Variants in CSMD1 observed in about 807,000 individuals in gnomAD.
The protein encoded by CSMD1 is CUB and Sushi multiple domains 1.
CSMD1 carries 213 observed loss-of-function variants against 417.5 expected under a neutral mutation model. The ratio of observed to expected loss-of-function variants is 0.51; its 90% CI spans 0.46 to 0.57. The LOEUF is 0.57. CSMD1 is among the 20% of genes least tolerant of loss of function. The pLI is 0.00. For synonymous variants in CSMD1, 2,862 were observed against 1,736.8 expected, an observed-to-expected ratio of 1.65 and a Z score of -16.11; for missense variants, 6,923 against 4,529.7, an observed-to-expected ratio of 1.53 and a Z score of -15.17.
At chr8:4,362,696 T>A (rs1159715699) in intron 3 of CSMD1, among the ~76,000 whole-genome samples, 2 of 152,222 alleles carry the variant, frequency 1.3e-5, no homozygotes, top group Admixed American at 6.5e-5. Context: ...GGATGACTGA[T>A]AAGATTTGTA....
At chr8:4,280,088 ACT>A (rs1796697631) in intron 3 of CSMD1, among the ~76,000 whole-genome samples, 1 of 152,250 alleles carries the variant, frequency 6.6e-6, no homozygotes, top group Admixed American at 6.5e-5. Flanking sequence ...AAAATAAATA[ACT>A]CTGTTTTGTA....
At chr8:3,360,104 C>G (rs1246475007) in intron 20 of CSMD1, among the ~76,000 whole-genome samples, 1 of 152,122 alleles carries the variant, frequency 6.6e-6, no homozygotes, top group African/African-American at 2.4e-5. Flanking sequence ...CCAATTTTGC[C>G]TCTAGAATAT....
chr8:3,970,188 A>G (rs954099284), intron 5 of CSMD1, among the ~76,000 whole-genome samples: 1 of 142,286 alleles, frequency 7.0e-6, no homozygotes, highest in Non-Finnish European at 1.6e-5. Flanking sequence ...CCTCTTGAAC[A>G]AGGGACTTTC....
At chr8:4,485,920 T>G (rs965180329) in intron 2 of CSMD1, among the ~76,000 whole-genome samples, 1 of 151,958 alleles carries the variant, frequency 6.6e-6, no homozygotes, top group African/African-American at 2.4e-5. Flanking sequence ...GCCAGGAAGT[T>G]CATTTCAATT....
chr8:3,497,756 G>A (rs1319095203), intron 10 of CSMD1, among the ~76,000 whole-genome samples: 1 of 152,122 alleles, frequency 6.6e-6, no homozygotes, highest in Admixed American at 6.5e-5. Flanking sequence ...TTGTCACTTG[G>A]TTATTTCTGT....
intron 3 of CSMD1, among the ~76,000 whole-genome samples, chr8:4,110,321 T>C (rs1041694479): frequency 1.3e-5 from 2 of 152,166 alleles, no homozygotes; most frequent in Admixed American, 1.3e-4. Context: ...CCCAGGAACT[T>C]GTGAATTTTT....
At chr8:2,965,680 G>A (rs762424254) in intron 59 of CSMD1, 95 bp downstream of exon 59, 3 of 1,051,718 alleles carry the variant, frequency 2.9e-6, no homozygotes, top group Non-Finnish European at 4.1e-6. Context: ...CTAGCCCCTA[G>A]AAGGGCTACA....
chr8:3,581,888 G>A (rs549129686), intron 9 of CSMD1, among the ~76,000 whole-genome samples: 3 of 152,042 alleles, frequency 2.0e-5, no homozygotes, highest in East Asian at 1.9e-4. Flanking sequence ...TACTGCAACC[G>A]CCACCTTCGA....
At chr8:3,627,775 G>C (rs970655859) in intron 7 of CSMD1, among the ~76,000 whole-genome samples, 2 of 152,136 alleles carry the variant, frequency 1.3e-5, no homozygotes. Flanking sequence ...AAAAGTGAGG[G>C]TTGGAATTTC....
chr8:4,755,312 C>T (rs1188931497), intron 1 of CSMD1, among the ~76,000 whole-genome samples: 1 of 152,142 alleles, frequency 6.6e-6, no homozygotes, highest in Admixed American at 6.5e-5. Flanking sequence ...TAGCACTTGA[C>T]AATCTTATGT....
chr8:3,313,895 A>T (rs1805551818), intron 23 of CSMD1, among the ~76,000 whole-genome samples: 1 of 152,220 alleles, frequency 6.6e-6, no homozygotes, highest in African/African-American at 2.4e-5. Context: ...GATAGACTGG[A>T]TTAAGAAAAT....
At chr8:3,353,030 A>G (rs1347181637) in intron 21 of CSMD1, among the ~76,000 whole-genome samples, 2 of 152,178 alleles carry the variant, frequency 1.3e-5, no homozygotes, top group Non-Finnish European at 2.9e-5. Context: ...GAGGGAAACT[A>G]TGATTTGAAC....
At chr8:4,075,037 TATGA>T (rs1161828346) in intron 3 of CSMD1, among the ~76,000 whole-genome samples, 1 of 152,156 alleles carries the variant, frequency 6.6e-6, no homozygotes, top group Non-Finnish European at 1.5e-5. Flanking sequence ...ATAACCCCAG[TATGA>T]ATGATGAGTA....
chr8:3,809,319 C>A (rs1800931522), intron 5 of CSMD1, among the ~76,000 whole-genome samples: 1 of 152,170 alleles, frequency 6.6e-6, no homozygotes, highest in Non-Finnish European at 1.5e-5. Context: ...AGTTCTTGTT[C>A]ACGATTTTTA....
intron 62 of CSMD1, among the ~76,000 whole-genome samples, chr8:2,959,532 A>G (rs1422919749): frequency 6.6e-6 from 1 of 151,930 alleles, no homozygotes; most frequent in Non-Finnish European, 1.5e-5. Flanking sequence ...TACTGGCAGA[A>G]AGAAAATACA....
chr8:3,948,352 A>G (rs909148169), intron 5 of CSMD1, among the ~76,000 whole-genome samples: 1 of 152,178 alleles, frequency 6.6e-6, no homozygotes, highest in Non-Finnish European at 1.5e-5. Flanking sequence ...GGCTTTAATA[A>G]ATGACTGAAG....
chr8:4,835,052 TC>T (rs2116739725), intron 1 of CSMD1, among the ~76,000 whole-genome samples: 1 of 140,974 alleles, frequency 7.1e-6, no homozygotes, highest in South Asian at 2.4e-4. Flanking sequence ...ATGACATTTC[TC>T]ACATAACAAA....
intron 1 of CSMD1, among the ~76,000 whole-genome samples, chr8:4,692,098 A>G (rs1242201710): frequency 1.3e-5 from 2 of 151,952 alleles, no homozygotes; most frequent in African/African-American, 4.8e-5. Context: ...TATGCTGAAT[A>G]CCCCTGGCAC....
chr8:3,476,468 GGCC>G (rs1563074914), intron 11 of CSMD1, among the ~76,000 whole-genome samples: 3 of 152,004 alleles, frequency 2.0e-5, no homozygotes, highest in African/African-American at 4.8e-5. Flanking sequence ...TGGATTTCTG[GGCC>G]ATATGATTGA....
Sources: allele counts gnomAD v4.1 joint callset (sites outside exome capture counted in the v4.1 genomes callset), GRCh38; gene constraint gnomAD v4.1.1; transcripts MANE v1.5; gene names NCBI Gene and HGNC (gene_info 2026-07-23, HGNC 2026-07-21).